The following CSMD1 variants were observed in gnomAD, a reference collection of about 807,000 sequenced individuals.
CSMD1 encodes CUB and sushi domain-containing protein 1.
In CSMD1, 213 loss-of-function variants were observed where a neutral mutation model predicts 417.5. That is an observed-to-expected ratio of 0.51 (90% confidence interval 0.46 to 0.57). The LOEUF is 0.57. Ranked by LOEUF, CSMD1 falls within the 20% of genes least tolerant of loss-of-function variation. The probability of loss-of-function intolerance (pLI) is 0.00; values close to 1 mark genes in which losing one functional copy is unlikely to be tolerated. For missense variants in CSMD1, 6,923 were observed against 4,529.7 expected, an observed-to-expected ratio of 1.53 and a Z score of -15.17; for synonymous variants, 2,862 against 1,736.8, an observed-to-expected ratio of 1.65 and a Z score of -16.11.
chr8:3,204,196 A>C (rs1797127498), intron 31 of CSMD1, among the ~76,000 whole-genome samples: 1 of 152,218 alleles, frequency 6.6e-6, no homozygotes, highest in Non-Finnish European at 1.5e-5. Context: ...AAATTGGGAA[A>C]TTATAAACGA....
chr8:3,503,791 C>T (rs910524002), intron 10 of CSMD1, among the ~76,000 whole-genome samples: 9 of 151,808 alleles, frequency 5.9e-5, no homozygotes, highest in African/African-American at 2.2e-4. Context: ...TAAAAAGCAG[C>T]CCCCCTCTTT....
chr8:3,929,458 C>T (rs991648380), intron 5 of CSMD1, among the ~76,000 whole-genome samples: 1 of 150,270 alleles, frequency 6.7e-6, no homozygotes, highest in African/African-American at 2.5e-5. Context: ...GGGGACAGAA[C>T]AAATCAGCTA....
chr8:3,391,122 C>T (rs772379223), intron 17 of CSMD1, among the ~76,000 whole-genome samples: 7 of 152,100 alleles, frequency 4.6e-5, no homozygotes, highest in Admixed American at 3.9e-4. Context: ...CATTACATCC[C>T]GACCACTCTC....
chr8:3,562,423 CAT>C (rs1799510321), intron 10 of CSMD1, among the ~76,000 whole-genome samples: 2 of 139,848 alleles, frequency 1.4e-5, no homozygotes, highest in African/African-American at 5.5e-5. Flanking sequence ...CACAAACACA[CAT>C]GCACACACAC....
rs60411612 is a variant in CSMD1 at position 4,042,815 on chromosome 8, TAAAAAAAA to T, written c.416-10724_416-10717del. 1.5e-3 allele frequency among the ~76,000 whole-genome samples: 61 copies of T among 41,310 alleles called. 2 individuals are homozygous for T. The highest frequency in any genetic ancestry group is 2.2e-3 in the Admixed American group (6 of 2,752). 27.1% of individuals were successfully genotyped at this position (41,310 alleles called of 152,430 possible). A position where few individuals can be genotyped will look rare whatever the true frequency, so the allele number is the denominator to read the frequency against. ...CAATAGGTGAAGTGGTACAACATAT[TAAAAAAAA>T]AAAAAAAAAAAAAAAAAAAGCAGGC... On this transcript the variant is annotated intron_variant, in intron 3 of 69. Coordinates refer to ENST00000635120, the MANE Select transcript of CSMD1 (RefSeq NM_033225.6).
chr8:4,829,384 G>T (rs1435086473), intron 1 of CSMD1, among the ~76,000 whole-genome samples: 2 of 152,086 alleles, frequency 1.3e-5, no homozygotes, highest in Admixed American at 1.3e-4. Context: ...AGCTAAAAAC[G>T]TAGAGATACA....
chr8:4,539,020 A>T (rs1666999203), intron 2 of CSMD1, among the ~76,000 whole-genome samples: 1 of 152,212 alleles, frequency 6.6e-6, no homozygotes, highest in South Asian at 2.1e-4. Flanking sequence ...CTCCCTTGTC[A>T]GGCAACGTTA....
intron 8 of CSMD1, among the ~76,000 whole-genome samples, chr8:3,598,690 G>A (rs1027648646): frequency 5.3e-5 from 8 of 152,298 alleles, no homozygotes; most frequent in African/African-American, 1.9e-4. Context: ...CTGAAGGGTT[G>A]CCTTGGATGC....
chr8:4,701,154 G>T lies in CSMD1; in HGVS notation c.86-63596C>A, dbSNP rs369364185. Reference sequence around the variant, plus strand: ...AATTCGTTTTTTACACAAAGCTGTGGGCTCCCCCACAGCTAGGGGAGAGTC... The same window carrying T: ...AATTCGTTTTTTACACAAAGCTGTGTGCTCCCCCACAGCTAGGGGAGAGTC... On this transcript the variant is annotated intron_variant, in intron 1 of 69. Coordinates refer to ENST00000635120, the MANE Select transcript of CSMD1 (RefSeq NM_033225.6). Among the ~76,000 whole-genome samples, 244 of 152,014 alleles carry T rather than the reference G, an allele frequency of 1.6e-3. 8 individuals are homozygous for T. The South Asian group carries it at 0.041, about 25-fold the overall frequency.
intron 1 of CSMD1, among the ~76,000 whole-genome samples, chr8:4,780,830 C>T (rs1397813181): frequency 3.3e-5 from 5 of 152,162 alleles, no homozygotes; most frequent in African/African-American, 4.8e-5. Flanking sequence ...TTTGGTTTTC[C>T]GTTCCTCAGT....
intron 2 of CSMD1, among the ~76,000 whole-genome samples, chr8:4,601,697 G>C (rs1056912375): frequency 5.9e-5 from 9 of 152,172 alleles, no homozygotes; most frequent in Non-Finnish European, 2.9e-5. Flanking sequence ...TGAGGGGATC[G>C]TGATCTCCAC....
intron 50 of CSMD1, among the ~76,000 whole-genome samples, chr8:3,046,860 C>G (rs1159744155): frequency 1.3e-5 from 2 of 152,148 alleles, no homozygotes; most frequent in Non-Finnish European, 2.9e-5. Flanking sequence ...ATAATATCTT[C>G]TTCCTAGGAT....
chr8:4,816,207 C>A (rs1034264972), intron 1 of CSMD1, among the ~76,000 whole-genome samples: 2 of 149,568 alleles, frequency 1.3e-5, no homozygotes, highest in Non-Finnish European at 3.0e-5. Flanking sequence ...TTTTTTGGGA[C>A]AGAGTCTCGC....
intron 3 of CSMD1, among the ~76,000 whole-genome samples, chr8:4,383,473 C>A (rs1415316155): frequency 6.6e-6 from 1 of 152,182 alleles, no homozygotes; most frequent in East Asian, 1.9e-4. Context: ...ACTTCATACA[C>A]AGTGATCTGT....
chr8:3,242,483 C>T (rs1376317892), intron 26 of CSMD1, among the ~76,000 whole-genome samples: 1 of 152,000 alleles, frequency 6.6e-6, no homozygotes, highest in East Asian at 1.9e-4. Flanking sequence ...GACCATTTGC[C>T]CATTCTATGC....
At chr8:3,067,272 T>G (rs1244066890) in intron 49 of CSMD1, among the ~76,000 whole-genome samples, 1 of 152,162 alleles carries the variant, frequency 6.6e-6, no homozygotes, top group Admixed American at 6.6e-5. Flanking sequence ...ATTTCCACCA[T>G]GTACAAATCA....
intron 12 of CSMD1, among the ~76,000 whole-genome samples, chr8:3,448,408 A>G (rs1219767909): frequency 3.2e-5 from 4 of 124,618 alleles, no homozygotes; most frequent in Non-Finnish European, 5.2e-5. Context: ...GGAAGGAAGG[A>G]AGGAAGGAAG....
Position 3,481,567 on chromosome 8 carries a change from G to C in CSMD1, c.1448+12056C>G, listed in dbSNP as rs193123567. On this transcript the variant is annotated intron_variant, in intron 11 of 69. Transcript: ENST00000635120. Reference sequence around the variant, plus strand: ...TCAAATCTGTGAAACTTACTTTTCAGATGAAAGATTTTGCAAATGTGATTA... The same window carrying C: ...TCAAATCTGTGAAACTTACTTTTCACATGAAAGATTTTGCAAATGTGATTA... Among the ~76,000 whole-genome samples, 263 of 152,342 alleles carry C rather than the reference G, an allele frequency of 1.7e-3. 1 individual carries two copies. Among genetic ancestry groups the C allele is most frequent in the African/African-American group, 6.0e-3 (251 of 41,580 alleles).
chr8:3,858,185 ACTCT>A (rs781184442), intron 5 of CSMD1, among the ~76,000 whole-genome samples: 14 of 152,176 alleles, frequency 9.2e-5, no homozygotes, highest in African/African-American at 2.4e-4. Context: ...TAATTTTTTG[ACTCT>A]CTATTTCCAT....
Sources: gnomAD v4.1 joint callset for allele counts (sites outside exome capture counted in the v4.1 genomes callset) on GRCh38, gnomAD v4.1.1 for gene constraint, MANE v1.5 for transcripts, NCBI Gene and HGNC (gene_info 2026-07-23, HGNC 2026-07-21) for gene names.